GRIK2: variants seen among roughly 807,000 people sequenced by gnomAD.
The protein encoded by GRIK2 is glutamate receptor ionotropic, kainate 2.
A neutral mutation model predicts 100.3 loss-of-function variants in GRIK2; 32 were observed. The ratio of observed to expected loss-of-function variants is 0.32; its 90% confidence interval spans 0.24 to 0.43. GRIK2 has a LOEUF of 0.43. Among genes scored for constraint, GRIK2 ranks in the 20% least tolerant of loss-of-function variants. The pLI is 1.00. For missense variants in GRIK2, 843 were observed against 1,114.9 expected (o/e 0.76, Z 3.47); for synonymous variants, 417 against 389.4 (o/e 1.07, Z -0.83).
intron 2 of GRIK2, among the ~76,000 whole-genome samples, chr6:101,427,676 C>T (rs539032189): frequency 3.6e-4 from 55 of 152,212 alleles, no homozygotes; most frequent in African/African-American, 1.3e-3. Context: ...TACTTTGTAT[C>T]GGTAAATTTT....
At chr6:101,883,713 G>T (rs777946156) in intron 11 of GRIK2, among the ~76,000 whole-genome samples, 4 of 152,118 alleles carry the variant, frequency 2.6e-5, no homozygotes, top group Admixed American at 6.6e-5. Flanking sequence ...AGCCATTTGT[G>T]TGTATAAAGG....
chr6:101,824,935 G>C (rs1330496936), intron 10 of GRIK2, among the ~76,000 whole-genome samples: 1 of 152,112 alleles, frequency 6.6e-6, no homozygotes, highest in Non-Finnish European at 1.5e-5. Flanking sequence ...TATCCCCTAA[G>C]TGGTTCTGTA....
rs1362024261 is a variant in GRIK2 at position 102,069,165 on chromosome 6, A to G, written c.*654A>G. 1 of 149,072 alleles carries G rather than the reference A, an allele frequency of 6.7e-6. No individual in the cohort carries two copies. The highest frequency in any genetic ancestry group is 1.5e-5 in the Non-Finnish European group (1 of 67,294). 9.2% of individuals were successfully genotyped at this position (149,072 alleles called of 1,614,324 possible). ...TTTTTTTTGACAGTCTGTGTCACTG[A>G]TTGAGATAGAAATGCCAATTATCAA... On this transcript the variant is annotated 3_prime_UTR_variant, in exon 17 of 17. Transcript: ENST00000369134.
intron 11 of GRIK2, among the ~76,000 whole-genome samples, chr6:101,887,867 C>A (rs1373982430): frequency 6.6e-6 from 1 of 152,164 alleles, no homozygotes; most frequent in East Asian, 1.9e-4. Flanking sequence ...CCGCCAAGCC[C>A]GACCTTCAAC....
chr6:101,767,507 A>G (rs1055917263), intron 7 of GRIK2, among the ~76,000 whole-genome samples: 71 of 152,322 alleles, frequency 4.7e-4, no homozygotes, highest in African/African-American at 1.7e-3. Flanking sequence ...AAGAATATGC[A>G]TAGTTGAAAT....
intron 14 of GRIK2, among the ~76,000 whole-genome samples, chr6:102,033,238 TG>T (rs1770091488): frequency 6.7e-6 from 1 of 148,870 alleles, no homozygotes; most frequent in Admixed American, 6.6e-5. Context: ...TTATTTTGCT[TG>T]AAAAAAATTC....
intron 12 of GRIK2, among the ~76,000 whole-genome samples, chr6:101,911,174 A>G (rs549449093): frequency 6.6e-6 from 1 of 151,530 alleles, no homozygotes; most frequent in African/African-American, 2.4e-5. Context: ...GAGATGGGTA[A>G]GCATGTAAAG....
intron 3 of GRIK2, 92 bp from the exon 4 acceptor site, chr6:101,626,288 T>C: frequency 8.9e-7 from 1 of 1,119,080 alleles, no homozygotes; most frequent in East Asian, 2.4e-5. Flanking sequence ...TTCTTGAGAA[T>C]GATACCTTTG....
At chr6:102,021,969 C>A (rs1018858960) in intron 14 of GRIK2, among the ~76,000 whole-genome samples, 2 of 144,566 alleles carry the variant, frequency 1.4e-5, no homozygotes, top group African/African-American at 2.5e-5. Context: ...AAAAAAAAAA[C>A]TATGGATATA....
At chr6:101,933,687 T>G (rs1790432638) in intron 14 of GRIK2, among the ~76,000 whole-genome samples, 1 of 151,886 alleles carries the variant, frequency 6.6e-6, no homozygotes, top group Non-Finnish European at 1.5e-5. Context: ...AGTTATCCAT[T>G]GGCACAATGA....
intron 12 of GRIK2, among the ~76,000 whole-genome samples, chr6:101,907,531 C>T (rs1788314699): frequency 6.6e-6 from 1 of 151,614 alleles, no homozygotes; most frequent in Non-Finnish European, 1.5e-5. Flanking sequence ...CTGCAGTGCA[C>T]CACAGTACGA....
chr6:101,581,161 T>C (rs1582761221), intron 2 of GRIK2, among the ~76,000 whole-genome samples: 1 of 134,690 alleles, frequency 7.4e-6, no homozygotes, highest in Non-Finnish European at 1.6e-5. Flanking sequence ...ATAGGAGATA[T>C]ATATACATAT....
At chr6:101,985,188 GA>G (rs533078962) in intron 14 of GRIK2, among the ~76,000 whole-genome samples, 43 of 151,222 alleles carry the variant, frequency 2.8e-4, no homozygotes, top group Non-Finnish European at 5.8e-4. Flanking sequence ...AAAATTCAAT[GA>G]AAAAAAAGTA....
At chr6:101,595,696 A>ATATG (rs1370808840) in intron 2 of GRIK2, among the ~76,000 whole-genome samples, 1 of 92,158 alleles carries the variant, frequency 1.1e-5, no homozygotes, top group Non-Finnish European at 2.2e-5. Flanking sequence ...ATGTATATAT[A>ATATG]TATGTGTGTG....
chr6:101,989,076 A>C (rs1794214989), intron 14 of GRIK2, among the ~76,000 whole-genome samples: 1 of 151,976 alleles, frequency 6.6e-6, no homozygotes, highest in African/African-American at 2.4e-5. Flanking sequence ...CAGTAAGAGC[A>C]ACTTATGGAA....
At chr6:101,516,043 G>A (rs1774566424) in intron 2 of GRIK2, among the ~76,000 whole-genome samples, 1 of 151,954 alleles carries the variant, frequency 6.6e-6, no homozygotes, top group African/African-American at 2.4e-5. Context: ...AACTTTTATA[G>A]TTTCAAGTCT....
intron 12 of GRIK2, among the ~76,000 whole-genome samples, chr6:101,906,129 A>G (rs1788203267): frequency 6.6e-6 from 1 of 151,700 alleles, no homozygotes; most frequent in South Asian, 2.1e-4. Context: ...TTAATGTTCT[A>G]CTTCTTTTGG....
intron 7 of GRIK2, among the ~76,000 whole-genome samples, chr6:101,781,475 C>T (rs1779089441): frequency 6.6e-6 from 1 of 152,116 alleles, no homozygotes; most frequent in Non-Finnish European, 1.5e-5. Context: ...TACAAGAGTG[C>T]TTAATATTTT....
chr6:102,035,629 A>C, intron 15 of GRIK2, 63 bp downstream of exon 15: 2 of 942,600 alleles, frequency 2.1e-6, no homozygotes, highest in South Asian at 2.9e-5. Context: ...AGACAGGGGA[A>C]AAATAGTGTG....
Sources: gnomAD v4.1 joint callset for allele counts (sites outside exome capture counted in the v4.1 genomes callset) on GRCh38, gnomAD v4.1.1 for gene constraint, MANE v1.5 for transcripts, NCBI Gene and HGNC (gene_info 2026-07-23, HGNC 2026-07-21) for gene names.